The following COL15A1 variants were observed in gnomAD, a reference collection of about 807,000 sequenced individuals.
The protein encoded by COL15A1 is collagen alpha-1(XV) chain.
COL15A1 carries 111 observed loss-of-function variants against 165.9 expected under a neutral mutation model. The observed-to-expected ratio is 0.67, with a 90% CI of 0.57 to 0.78. The LOEUF (loss-of-function observed/expected upper bound fraction) is 0.78, where lower values mean the gene tolerates loss of function less well. Ranked by LOEUF, COL15A1 falls within the 30% of genes least tolerant of loss-of-function variation. The probability of loss-of-function intolerance (pLI) is 0.00; values close to 1 mark genes in which losing one functional copy is unlikely to be tolerated. For synonymous variants in COL15A1, 659 were observed against 674.8 expected, an observed-to-expected ratio of 0.98 and a Z score of 0.36; for missense variants, 1,745 against 1,789.7, an observed-to-expected ratio of 0.98 and a Z score of 0.45.
intron 22 of COL15A1, 124 bp from the exon 23 acceptor site, chr9:99,040,397 C>A: frequency 6.7e-7 from 1 of 1,494,696 alleles, no homozygotes; most frequent in South Asian, 1.2e-5. Flanking sequence ...AATGCTGTGT[C>A]AATCCGTCTT....
chr9:98,997,145 G>T (rs537412622), intron 6 of COL15A1, 64 bp downstream of exon 6: 2 of 1,590,210 alleles, frequency 1.3e-6, no homozygotes, highest in African/African-American at 1.3e-5. Flanking sequence ...GTGTCCAGCC[G>T]GGGCCATGTA....
At chr9:99,005,758 T>C (rs1024667119) in intron 9 of COL15A1, among the ~76,000 whole-genome samples, 1 of 152,218 alleles carries the variant, frequency 6.6e-6, no homozygotes, top group Admixed American at 6.5e-5. Context: ...CCTCCAATGC[T>C]GGCCCCTGTG....
chr9:99,058,008 A>G (rs1825751948), intron 35 of COL15A1, among the ~76,000 whole-genome samples: 1 of 152,198 alleles, frequency 6.6e-6, no homozygotes, highest in African/African-American at 2.4e-5. Flanking sequence ...GGAGAGGTAG[A>G]TAAACAGCTG....
chr9:98,997,393 A>G (rs757688512), intron 6 of COL15A1, among the ~76,000 whole-genome samples: 9 of 152,176 alleles, frequency 5.9e-5, no homozygotes, highest in Non-Finnish European at 1.5e-5. Context: ...TTTAACAGAA[A>G]AGTTTGTAAT....
At chr9:99,053,133 T>G (rs372406682) in intron 31 of COL15A1, among the ~76,000 whole-genome samples, 52 of 152,354 alleles carry the variant, frequency 3.4e-4, no homozygotes, top group African/African-American at 1.2e-3. Flanking sequence ...GGCCAGGGGA[T>G]GGGGCCTGCA....
intron 9 of COL15A1, among the ~76,000 whole-genome samples, chr9:99,012,879 T>C (rs2118982122): frequency 6.6e-6 from 1 of 151,956 alleles, no homozygotes; most frequent in East Asian, 1.9e-4. Context: ...GCCCAGCTAG[T>C]TTTTTTGTAT....
chr9:99,049,306 T>C (rs1268393829), intron 28 of COL15A1, among the ~76,000 whole-genome samples: 1 of 152,240 alleles, frequency 6.6e-6, no homozygotes, highest in Non-Finnish European at 1.5e-5. Flanking sequence ...CCACAGTCCA[T>C]TCCCACCCGT....
chr9:99,032,994 G>A (rs1839232993), intron 16 of COL15A1, among the ~76,000 whole-genome samples: 1 of 152,108 alleles, frequency 6.6e-6, no homozygotes, highest in South Asian at 2.1e-4. Context: ...TGATTGAATT[G>A]TTTTCTTAAC....
chr9:98,993,763 C>T (rs573306432), intron 5 of COL15A1, among the ~76,000 whole-genome samples: 4 of 152,236 alleles, frequency 2.6e-5, no homozygotes, highest in South Asian at 2.1e-4. Context: ...TGGCATTTTC[C>T]GGCAGCCACC....
intron 2 of COL15A1, among the ~76,000 whole-genome samples, chr9:98,977,649 G>T (rs546190866): frequency 6.6e-6 from 1 of 151,114 alleles, no homozygotes; most frequent in Non-Finnish European, 1.5e-5. Flanking sequence ...CCTCTTGGCG[G>T]ACTCTGTGGA....
At chr9:99,068,003 A>T (rs927047739) in intron 40 of COL15A1, among the ~76,000 whole-genome samples, 4 of 152,270 alleles carry the variant, frequency 2.6e-5, no homozygotes, top group African/African-American at 9.6e-5. Context: ...AGGCTTGTAT[A>T]CACTTCTAAT....
intron 9 of COL15A1, among the ~76,000 whole-genome samples, chr9:99,011,500 A>G (rs1838848033): frequency 6.6e-6 from 1 of 150,976 alleles, no homozygotes; most frequent in Non-Finnish European, 1.5e-5. Flanking sequence ...AAGCTTTCTT[A>G]CCAAAATTAC....
intron 12 of COL15A1, 120 bp from the exon 13 acceptor site, chr9:99,021,971 A>G: frequency 2.3e-6 from 3 of 1,330,588 alleles, no homozygotes; most frequent in South Asian, 1.2e-5. Context: ...TGCAAAGGAC[A>G]ATGCCATTTT....
At chr9:99,057,932 T>A (rs933456456) in intron 35 of COL15A1, among the ~76,000 whole-genome samples, 2 of 151,948 alleles carry the variant, frequency 1.3e-5, no homozygotes, top group Admixed American at 1.3e-4. Context: ...GAAACGTAAC[T>A]CAAAGTAGCT....
At chr9:98,986,647 G>A (rs1171726667) in intron 3 of COL15A1, among the ~76,000 whole-genome samples, 1 of 152,120 alleles carries the variant, frequency 6.6e-6, no homozygotes, top group African/African-American at 2.4e-5. Flanking sequence ...TATGAATAAG[G>A]CATTCTAAAG....
chr9:98,966,125 G>A (rs1837952338), intron 2 of COL15A1, among the ~76,000 whole-genome samples: 1 of 152,154 alleles, frequency 6.6e-6, no homozygotes, highest in Admixed American at 6.5e-5. Context: ...GAAGAGAGAG[G>A]ACCATTCTCC....
At position 98,997,080 on chromosome 9, in the gene COL15A1, A is replaced by C; in HGVS notation, c.951A>C (p.Gln317His). ...TCATCCAGCACAGCAGCCCCAAACA[A>C]GGCAAGTCCGGATGCACATGCCTAC... ...MSIIQHSSPK[Q>H]GSGEILNDTL... Residue 317 changes from glutamine to histidine, a missense_variant and splice_region_variant, in exon 6 of 42, where the codon CAA becomes CAC. Coordinates refer to ENST00000375001, the MANE Select transcript of COL15A1 (RefSeq NM_001855.5). 5 of 1,614,168 alleles carry C rather than the reference A, an allele frequency of 3.1e-6. No homozygotes were observed. The highest frequency in any genetic ancestry group is 4.2e-6 in the Non-Finnish European group (5 of 1,180,004).
chr9:99,019,357 C>G (rs1838989471), intron 11 of COL15A1, among the ~76,000 whole-genome samples: 1 of 152,084 alleles, frequency 6.6e-6, no homozygotes, highest in Non-Finnish European at 1.5e-5. Context: ...GCCGCTACTA[C>G]CCGGCTAATT....
chr9:99,029,392 A>G (rs116092872), intron 16 of COL15A1, among the ~76,000 whole-genome samples: 1,612 of 152,300 alleles, frequency 0.011, 23 homozygotes, highest in African/African-American at 0.037. Context: ...ATACAATTAG[A>G]TCATCATCAC....
Sources: gnomAD v4.1 joint callset for allele counts (sites outside exome capture counted in the v4.1 genomes callset) on GRCh38, gnomAD v4.1.1 for gene constraint, MANE v1.5 for transcripts, NCBI Gene and HGNC (gene_info 2026-07-23, HGNC 2026-07-21) for gene names.